The following EVC2 variants were observed in gnomAD, a reference collection of about 807,000 sequenced individuals.
EVC2 encodes limbin.
In EVC2, 148 loss-of-function variants were observed where a neutral mutation model predicts 149.3. The observed-to-expected ratio is 0.99, with a 90% confidence interval of 0.87 to 1.14. EVC2 has a LOEUF of 1.14. Among genes scored for constraint, EVC2 ranks in the 50% most tolerant of loss-of-function variants. EVC2 has a pLI of 0.00. For missense variants in EVC2, 1,854 were observed against 1,627.3 expected (o/e 1.14, Z -2.40); for synonymous variants, 776 against 649.9 (o/e 1.19, Z -2.95).
In EVC2 at chr4:5,636,788, G is replaced by A. The variant is rs1716914217; in HGVS notation, c.1470+3726C>T. 6.6e-6 allele frequency among the ~76,000 whole-genome samples: 1 copy of A among 152,044 alleles called. No homozygotes were observed. Among genetic ancestry groups the A allele is most frequent in the South Asian group, 2.1e-4 (1 of 4,816 alleles). ...TCTTTTTTAAAACTAATTCTTGGTGGAATAATACATCCAAAATATTTTTAT... is the reference window on the plus strand; with the variant it reads ...TCTTTTTTAAAACTAATTCTTGGTGAAATAATACATCCAAAATATTTTTAT... On this transcript the variant is annotated intron_variant, in intron 10 of 21. Transcript: ENST00000344408. The surrounding 1 kb of genome is among the most constrained non-coding windows in gnomAD (Gnocchi z 4.6).
chr4:5,655,916 C>A (rs998398694), intron 9 of EVC2, among the ~76,000 whole-genome samples: 1 of 152,130 alleles, frequency 6.6e-6, no homozygotes, highest in African/African-American at 2.4e-5. Context: ...TATCTCACAA[C>A]AGGTCATGAA....
rs1335559369 is a variant in EVC2 at position 5,562,980 on chromosome 4, T to C, written c.3795A>G (p.Leu1265=). 7 of 1,614,094 alleles carry C rather than the reference T, an allele frequency of 4.3e-6. No individual in the cohort carries two copies. Among genetic ancestry groups the C allele is most frequent in the Non-Finnish European group, 4.2e-6 (5 of 1,180,048 alleles). The change falls in exon 22 of 22, where the codon CTA becomes CTG. Residue 1265 remains leucine (L), a synonymous_variant. Coordinates refer to ENST00000344408, the MANE Select transcript of EVC2 (RefSeq NM_147127.5). This position sits in a 1 kb window ranked among gnomAD's most constrained non-coding sequence, Gnocchi z 4.3. The part of the protein sequence containing the change: ...VPIVGAETID[L]LNTGEKLFIF... ...TAAAGAGCTTCTCTCCTGTGTTTAA[T>C]AGATCAATGGTTTCTGCCCCTACAA...
rs189837096 is a variant in EVC2, at chr4:5,677,347, C to T, written c.870+3913G>A. On this transcript the variant is annotated intron_variant, in intron 7 of 21. Coordinates refer to ENST00000344408, the MANE Select transcript of EVC2 (RefSeq NM_147127.5). The surrounding 1 kb of genome is among the most constrained non-coding windows in gnomAD (Gnocchi z 4.3). ...CCAAGAGTCAGCTGGGCCCACACAA[C>T]ACCATAGGGCCATCCTGTGCATACA... Among the ~76,000 whole-genome samples the T allele has an allele frequency of 5.3e-5, 8 of 152,312 alleles. No homozygotes were observed. Among genetic ancestry groups the T allele is most frequent in the Admixed American group, 3.9e-4 (6 of 15,298 alleles).
rs144692804 is a variant in EVC2, at chr4:5,689,321, T to G, written c.542A>C (p.Gln181Pro). 6.2e-7 allele frequency: 1 copy of G among 1,614,172 alleles called. No homozygotes were observed. Among genetic ancestry groups the G allele is most frequent in the Non-Finnish European group, 8.5e-7 (1 of 1,180,032 alleles). ...CALVSGSSEA[Q>P]TARIWLLVNN... ...AACAAGCAGCCATATGCGGGCTGTC[T>G]GTGCTTCACTCGACCCAGACACCTA... The change falls in exon 5 of 22, where the codon CAG becomes CCG. Residue 181 changes from glutamine (Q) to proline (P), a missense_variant. By Grantham distance (76) the Gln-to-Pro change is moderately conservative (BLOSUM62 -1). Coordinates refer to ENST00000344408, the MANE Select transcript of EVC2 (RefSeq NM_147127.5).
rs1029359779 is a variant in EVC2, at chr4:5,625,253, G to C, written c.2046+496C>G. ...ACACTCCAGCCTCATCATATTCTTA[G>C]AGTCCCCAAATACATGCCATGCGTG... On this transcript the variant is annotated intron_variant, in intron 13 of 21. Transcript: ENST00000344408. The surrounding 1 kb of genome is among the most constrained non-coding windows in gnomAD (Gnocchi z 4.0). 6.0e-5 allele frequency among the ~76,000 whole-genome samples: 9 copies of C among 150,992 alleles called. No individual in the cohort carries two copies. Among genetic ancestry groups the C allele is most frequent in the African/African-American group, 2.2e-4 (9 of 41,000 alleles).
rs1372654998 is a variant in EVC2, at chr4:5,677,972, G to A, written c.870+3288C>T. Among the ~76,000 whole-genome samples the A allele has an allele frequency of 1.3e-5, 2 of 152,190 alleles. No individual in the cohort carries two copies. Among genetic ancestry groups the A allele is most frequent in the Admixed American group, 1.3e-4 (2 of 15,278 alleles). On this transcript the variant is annotated intron_variant, in intron 7 of 21. Transcript: ENST00000344408. The surrounding 1 kb of genome is among the most constrained non-coding windows in gnomAD (Gnocchi z 4.3). ...CGGTGTGGTCCAGTGCCTGACAGCA[G>A]GGCTCTGGAGCCAAACTGCTTGGGT...
intron 21 of EVC2, among the ~76,000 whole-genome samples, chr4:5,551,241 A>G (rs944668189): frequency 6.6e-6 from 1 of 152,200 alleles, no homozygotes; most frequent in African/African-American, 2.4e-5. Flanking sequence ...CAGACACTCA[A>G]TGCCAGCCCA....
intron 9 of EVC2, among the ~76,000 whole-genome samples, chr4:5,643,075 A>C (rs1048423185): frequency 6.6e-6 from 1 of 152,212 alleles, no homozygotes; most frequent in African/African-American, 2.4e-5. Flanking sequence ...ATGTACATGC[A>C]TATCTACTTT....
intron 21 of EVC2, chr4:5,543,256 C>T (rs1231045241): frequency 8.0e-7 from 1 of 1,253,618 alleles, no homozygotes; most frequent in African/African-American, 1.5e-5. Context: ...TCTCTCCCAT[C>T]CCTACCCACA....
intron 9 of EVC2, among the ~76,000 whole-genome samples, chr4:5,642,488 A>G (rs1443606737): frequency 6.6e-6 from 1 of 152,200 alleles, no homozygotes; most frequent in Non-Finnish European, 1.5e-5. Flanking sequence ...CCACCATTCA[A>G]TGACTATTCT....
At chr4:5,620,714 A>C (rs2108836209) in intron 14 of EVC2, among the ~76,000 whole-genome samples, 1 of 152,362 alleles carries the variant, frequency 6.6e-6, no homozygotes, top group African/African-American at 2.4e-5. Flanking sequence ...CTGATAGCCA[A>C]GTGAGAGTTC....
chr4:5,621,080 G>C (rs900095647), intron 14 of EVC2, among the ~76,000 whole-genome samples: 1 of 152,196 alleles, frequency 6.6e-6, no homozygotes, highest in Non-Finnish European at 1.5e-5. Context: ...ATGGGAAAGG[G>C]CCAAAGGTCA....
At chr4:5,626,738 A>G (rs1205551633) in intron 12 of EVC2, among the ~76,000 whole-genome samples, 1 of 152,166 alleles carries the variant, frequency 6.6e-6, no homozygotes, top group African/African-American at 2.4e-5. Context: ...ATGAGCGGGC[A>G]TCATCCAATA....
intron 6 of EVC2, among the ~76,000 whole-genome samples, chr4:5,681,608 C>T (rs1720350723): frequency 6.6e-6 from 1 of 152,174 alleles, no homozygotes; most frequent in South Asian, 2.1e-4. Flanking sequence ...TGACTCCAAG[C>T]CTGTGACCAA....
At chr4:5,659,962 A>G (rs1718774248) in intron 9 of EVC2, among the ~76,000 whole-genome samples, 1 of 152,244 alleles carries the variant, frequency 6.6e-6, no homozygotes, top group Admixed American at 6.5e-5. Context: ...GTAAGAAAAC[A>G]GACTTTTAGC....
intron 16 of EVC2, among the ~76,000 whole-genome samples, chr4:5,593,332 T>G (rs1234468340): frequency 6.6e-6 from 1 of 152,130 alleles, no homozygotes; most frequent in East Asian, 1.9e-4. Context: ...GTGCGTTACT[T>G]CCTTTTCTTC....
chr4:5,579,013 C>T (rs993908243), intron 17 of EVC2, among the ~76,000 whole-genome samples: 1 of 152,120 alleles, frequency 6.6e-6, no homozygotes, highest in Non-Finnish European at 1.5e-5. Context: ...GTCTCCAATG[C>T]TCAGGGGGCA....
intron 4 of EVC2, 24 bp downstream of exon 4, chr4:5,691,241 T>C (rs769104691): frequency 6.2e-7 from 1 of 1,603,024 alleles, no homozygotes; most frequent in Non-Finnish European, 8.5e-7. Flanking sequence ...TCTCTTCAAA[T>C]ATACACCACC....
intron 1 of EVC2, among the ~76,000 whole-genome samples, chr4:5,707,386 G>A (rs556280754): frequency 6.6e-6 from 1 of 152,260 alleles, no homozygotes; most frequent in East Asian, 1.9e-4. Context: ...CACCCTAGGA[G>A]AGAGGTGGGA....
Sources: gnomAD v4.1 joint callset for allele counts (sites outside exome capture counted in the v4.1 genomes callset) on GRCh38, gnomAD v4.1.1 for gene constraint, Gnocchi (gnomAD v3.1) non-coding constraint, MANE v1.5 for transcripts, NCBI Gene and HGNC (gene_info 2026-07-23, HGNC 2026-07-21) for gene names.